Variants in PPARGC1A observed in about 807,000 individuals in gnomAD.
PPARGC1A encodes peroxisome proliferator-activated receptor gamma coactivator 1-alpha.
Under a neutral mutation model 88.7 loss-of-function variants are expected in PPARGC1A, and 25 were observed. That is an observed-to-expected ratio of 0.28 (90% confidence interval 0.21 to 0.39). PPARGC1A has a LOEUF of 0.39. Among genes scored for constraint, PPARGC1A ranks in the 10% least tolerant of loss-of-function variants. The probability of loss-of-function intolerance (pLI) is 1.00; values close to 1 mark genes in which losing one functional copy is unlikely to be tolerated. For missense variants in PPARGC1A, 880 were observed against 968.7 expected (o/e 0.91, Z 1.22); for synonymous variants, 363 against 355.6 (o/e 1.02, Z -0.24).
the PPARGC1A span, among the ~76,000 whole-genome samples, chr4:23,998,649 T>TA: frequency 9.2e-5 from 14 of 152,216 alleles, no homozygotes; most frequent in Non-Finnish European, 1.8e-4. Flanking sequence ...TCAGAAAAGT[T>TA]AGAGTACATG....
chr4:24,105,796 G>A, the PPARGC1A span, among the ~76,000 whole-genome samples: 2 of 152,242 alleles, frequency 1.3e-5, no homozygotes, highest in African/African-American at 2.4e-5. Context: ...CAGCCAAGCC[G>A]GAGATGTAAA....
At chr4:24,267,529 G>A in the PPARGC1A span, among the ~76,000 whole-genome samples, 2 of 152,130 alleles carry the variant, frequency 1.3e-5, no homozygotes, top group Admixed American at 6.5e-5. Flanking sequence ...TATCAATCCG[G>A]TGTTGTGTTC....
At chr4:23,805,825 A>G (rs1719704446) in intron 10 of PPARGC1A, among the ~76,000 whole-genome samples, 1 of 152,198 alleles carries the variant, frequency 6.6e-6, no homozygotes, top group Non-Finnish European at 1.5e-5. Flanking sequence ...GAGACATTGC[A>G]AAGAAATTGC....
the PPARGC1A span, among the ~76,000 whole-genome samples, chr4:24,130,299 A>G: frequency 1.1e-4 from 17 of 152,294 alleles, no homozygotes; most frequent in African/African-American, 4.1e-4. Flanking sequence ...CAGGAAATGA[A>G]GGGCAAAGAG....
At chr4:24,225,021 A>C in the PPARGC1A span, among the ~76,000 whole-genome samples, 1 of 152,164 alleles carries the variant, frequency 6.6e-6, no homozygotes, top group Non-Finnish European at 1.5e-5. Flanking sequence ...AATGCAGCAG[A>C]GATGAGCACA....
At chr4:24,225,546 C>T in the PPARGC1A span, among the ~76,000 whole-genome samples, 4 of 151,042 alleles carry the variant, frequency 2.6e-5, no homozygotes, top group African/African-American at 9.7e-5. Flanking sequence ...AAAACACACA[C>T]ACACACAAAA....
chr4:23,954,057 T>C, the PPARGC1A span, among the ~76,000 whole-genome samples: 27 of 152,154 alleles, frequency 1.8e-4, no homozygotes, highest in African/African-American at 6.0e-4. Context: ...TAACTCTGCA[T>C]AGCAATTTCA....
At chr4:24,128,385 T>C in the PPARGC1A span, among the ~76,000 whole-genome samples, 2 of 152,176 alleles carry the variant, frequency 1.3e-5, no homozygotes, top group Non-Finnish European at 2.9e-5. Context: ...AAATTCTAAG[T>C]ACTAAATACG....
the PPARGC1A span, among the ~76,000 whole-genome samples, chr4:24,168,321 C>A: frequency 6.6e-6 from 1 of 152,126 alleles, no homozygotes; most frequent in African/African-American, 2.4e-5. Flanking sequence ...TTTAGATGAA[C>A]AAGGGTGGGC....
chr4:23,927,543 C>A, the PPARGC1A span, among the ~76,000 whole-genome samples: 3 of 152,232 alleles, frequency 2.0e-5, no homozygotes, highest in African/African-American at 7.2e-5. Flanking sequence ...TTGAGTTTTA[C>A]AAAATTTTCT....
the PPARGC1A span, among the ~76,000 whole-genome samples, chr4:24,389,979 T>C: frequency 6.6e-6 from 1 of 152,174 alleles, no homozygotes; most frequent in African/African-American, 2.4e-5. Context: ...TCCTTTTTAG[T>C]TGACAAAGTA....
chr4:24,241,618 G>C, the PPARGC1A span, among the ~76,000 whole-genome samples: 1 of 152,212 alleles, frequency 6.6e-6, no homozygotes, highest in African/African-American at 2.4e-5. Context: ...CTCACGCCTT[G>C]TTTAGCACCT....
At chr4:24,099,716 G>A in the PPARGC1A span, among the ~76,000 whole-genome samples, 17 of 152,252 alleles carry the variant, frequency 1.1e-4, 1 homozygote, top group South Asian at 2.1e-3. Flanking sequence ...GTTGTAAAAT[G>A]TAAGTTGGGG....
chr4:23,801,989 G>T (rs1718847290), intron 11 of PPARGC1A, 108 bp from the exon 12 acceptor site: 2 of 1,400,020 alleles, frequency 1.4e-6, no homozygotes, highest in South Asian at 2.6e-5. Context: ...CTGAGCCACT[G>T]AATCCATTTA....
chr4:23,901,796 C>T (rs929432833), upstream of PPARGC1A, among the ~76,000 whole-genome samples: 1 of 152,144 alleles, frequency 6.6e-6, no homozygotes, highest in Non-Finnish European at 1.5e-5. Context: ...TCACACTTCT[C>T]GCAAATTTGT....
the PPARGC1A span, among the ~76,000 whole-genome samples, chr4:24,221,176 A>G: frequency 3.3e-5 from 5 of 152,210 alleles, no homozygotes; most frequent in Non-Finnish European, 7.3e-5. Context: ...AAACAAGAAA[A>G]AGATAAAATG....
the PPARGC1A span, among the ~76,000 whole-genome samples, chr4:24,121,704 G>A: frequency 3.3e-5 from 5 of 152,246 alleles, no homozygotes; most frequent in East Asian, 1.9e-4. Flanking sequence ...AGCCTTACGT[G>A]GGAGGGGAAC....
At chr4:23,963,243 T>A in the PPARGC1A span, among the ~76,000 whole-genome samples, 1 of 152,152 alleles carries the variant, frequency 6.6e-6, no homozygotes, top group East Asian at 1.9e-4. Flanking sequence ...GGATATTCAT[T>A]TTTCAAATTA....
intron 10 of PPARGC1A, among the ~76,000 whole-genome samples, chr4:23,806,133 T>C (rs1379381745): frequency 6.6e-6 from 1 of 152,202 alleles, no homozygotes; most frequent in African/African-American, 2.4e-5. Flanking sequence ...CATCTCTTTT[T>C]ATGAAACACA....
Sources: gnomAD v4.1 joint callset for allele counts (sites outside exome capture counted in the v4.1 genomes callset) on GRCh38, gnomAD v4.1.1 for gene constraint, MANE v1.5 for transcripts, NCBI Gene and HGNC (gene_info 2026-07-23, HGNC 2026-07-21) for gene names.